The following EIF3L variants were observed in gnomAD, a reference collection of about 807,000 sequenced individuals.
The protein encoded by EIF3L is eukaryotic translation initiation factor 3 subunit L, also known as eIEF associated protein HSPC021.
In EIF3L, 32 loss-of-function variants were observed where a neutral mutation model predicts 74.6. The ratio of observed to expected loss-of-function variants is 0.43; its 90% CI spans 0.32 to 0.58. The LOEUF is 0.58. Ranked by LOEUF, EIF3L falls within the 20% of genes least tolerant of loss-of-function variation. EIF3L has a pLI of 0.06. For missense variants in EIF3L, 474 were observed against 707.8 expected, an observed-to-expected ratio of 0.67 and a Z score of 3.75; for synonymous variants, 256 against 254.4, an observed-to-expected ratio of 1.01 and a Z score of -0.06.
chr22:37,877,025 C>T (rs902558261), intron 10 of EIF3L: 2 of 152,468 alleles, frequency 1.3e-5, no homozygotes, highest in African/African-American at 4.8e-5. Flanking sequence ...GCTGCAGATA[C>T]ATTCTGAGAA....
In EIF3L at chr22:37,888,251, G is replaced by A. The variant is rs1927422828; in HGVS notation, c.1657-175G>A. ...GATAAAAGAATAATCCGCGTGAACT[G>A]TGCAGGGCCATATGAATGTCACGGC... On this transcript the variant is annotated intron_variant, in intron 12 of 12. Transcript: ENST00000652021. 9.4e-6 allele frequency: 6 copies of A among 637,738 alleles called. No homozygotes were observed. The South Asian group carries it at 1.1e-4, about 12-fold the overall frequency. The allele number at this position is 637,738 out of a possible 1,614,324, so 39.5% of individuals were successfully genotyped here.
chr22:37,884,920 T>A (rs1028812479), intron 11 of EIF3L: 19 of 139,374 alleles, frequency 1.4e-4, no homozygotes, highest in African/African-American at 5.0e-4. Flanking sequence ...TTTTTTTTTT[T>A]TTTTTTTTTT....
At chr22:37,868,553 A>G (rs189928140) in intron 7 of EIF3L, among the ~76,000 whole-genome samples, 100 of 151,138 alleles carry the variant, frequency 6.6e-4, no homozygotes, top group African/African-American at 2.4e-3. Flanking sequence ...TCCCAGGTTC[A>G]AGGGATTCTC....
intron 12 of EIF3L, chr22:37,888,168 T>G: frequency 2.5e-6 from 1 of 401,730 alleles, no homozygotes; most frequent in Non-Finnish European, 4.4e-6. Context: ...GTCTGAATCC[T>G]TTTTCTGTCA....
At chr22:37,868,515 G>T (rs1025115429) in intron 7 of EIF3L, among the ~76,000 whole-genome samples, 1 of 151,082 alleles carries the variant, frequency 6.6e-6, no homozygotes, top group African/African-American at 2.4e-5. Flanking sequence ...GTGCAGTGGC[G>T]TGATCTCAGC....
chr22:37,866,743 GCCACTGCACT>G (rs1434492913), intron 7 of EIF3L, among the ~76,000 whole-genome samples: 1 of 151,956 alleles, frequency 6.6e-6, no homozygotes, highest in Non-Finnish European at 1.5e-5. Context: ...CTGAGATTGC[GCCACTGCACT>G]CCAGCCTGGG....
intron 5 of EIF3L, among the ~76,000 whole-genome samples, chr22:37,860,104 C>T (rs1357623999): frequency 6.6e-6 from 1 of 152,200 alleles, no homozygotes. Flanking sequence ...GAAGTCCAGA[C>T]TTGTATATTC....
intron 5 of EIF3L, among the ~76,000 whole-genome samples, chr22:37,860,418 C>T (rs779081946): frequency 5.9e-5 from 9 of 152,124 alleles, no homozygotes; most frequent in Non-Finnish European, 8.8e-5. Flanking sequence ...GCAGTGGCGC[C>T]GTCTCGGCTC....
intron 3 of EIF3L, among the ~76,000 whole-genome samples, chr22:37,855,288 C>T (rs1037243448): frequency 6.6e-6 from 1 of 152,114 alleles, no homozygotes; most frequent in African/African-American, 2.4e-5. Context: ...AAACAGCAAG[C>T]AGTTAAATAT....
intron 11 of EIF3L, chr22:37,884,035 A>T (rs1303449499): frequency 6.6e-6 from 1 of 152,084 alleles, no homozygotes; most frequent in Non-Finnish European, 1.5e-5. Flanking sequence ...CCCAAAAAGA[A>T]ACTCCCTACC....
chr22:37,858,750 TAA>T lies in EIF3L; in HGVS notation c.435+11_435+12del. 6.3e-7 allele frequency: 1 copy of T among 1,595,242 alleles called. No homozygotes were observed. Among genetic ancestry groups the T allele is most frequent in the Non-Finnish European group, 8.5e-7 (1 of 1,174,966 alleles). On this transcript the variant is annotated intron_variant, in intron 5 of 12. Coordinates refer to ENST00000652021, the MANE Select transcript of EIF3L (RefSeq NM_016091.4). ...ATATGCCAAAGTCAGTGTAAGTATT[TAA>T]GTGTCGCAGTTTTTTTTTTGTTTTT...
intron 7 of EIF3L, among the ~76,000 whole-genome samples, chr22:37,863,788 G>A (rs988561465): frequency 3.3e-5 from 5 of 151,928 alleles, no homozygotes; most frequent in South Asian, 2.1e-4. Context: ...GGGTCAGGCC[G>A]GGCGCGGTGA....
intron 9 of EIF3L, among the ~76,000 whole-genome samples, chr22:37,875,125 T>C (rs1569120561): frequency 6.6e-6 from 1 of 151,020 alleles, no homozygotes. Flanking sequence ...TCCCAGCAGT[T>C]TGGGAGGCTG....
chr22:37,849,531 G>C, intron 1 of EIF3L, 49 bp downstream of exon 1: 1 of 1,543,202 alleles, frequency 6.5e-7, no homozygotes, highest in Non-Finnish European at 8.8e-7. Context: ...GGTGATCTCT[G>C]GGACCACTGG....
At chr22:37,866,534 C>A (rs573718450) in intron 7 of EIF3L, among the ~76,000 whole-genome samples, 1 of 152,040 alleles carries the variant, frequency 6.6e-6, no homozygotes, top group Non-Finnish European at 1.5e-5. Context: ...CCTGTTAATC[C>A]CAGCTCTTTG....
In EIF3L at chr22:37,876,086, G is replaced by C. The variant is rs574874327; in HGVS notation, c.1077+75G>C. 2.1e-5 allele frequency: 31 copies of C among 1,486,844 alleles called. 1 individual carries two copies. The highest frequency in any genetic ancestry group is 9.2e-7 in the Non-Finnish European group (1 of 1,090,726). 92.1% of individuals were successfully genotyped at this position (1,486,844 alleles called of 1,614,324 possible). On this transcript the variant is annotated intron_variant, in intron 10 of 12. Transcript: ENST00000652021. ...CTTGGCACCTATGCCAACCATTCTT[G>C]GTAAACACCATCCAAAATATTGCAC...
intron 12 of EIF3L, chr22:37,887,696 C>T (rs1927393665): frequency 6.6e-6 from 1 of 152,376 alleles, no homozygotes; most frequent in Non-Finnish European, 1.5e-5. Context: ...CAAGATCTCC[C>T]TCTGCGGGTG....
At chr22:37,857,489 GTC>G (rs756524394) in intron 4 of EIF3L, among the ~76,000 whole-genome samples, 1 of 151,072 alleles carries the variant, frequency 6.6e-6, no homozygotes, top group East Asian at 1.9e-4. Context: ...CAGTGTACAA[GTC>G]TCTCATTTGT....
chr22:37,851,890 A>G (rs1158990961), intron 3 of EIF3L, among the ~76,000 whole-genome samples: 1 of 151,638 alleles, frequency 6.6e-6, no homozygotes, highest in Admixed American at 6.6e-5. Context: ...CGTGTGTTGA[A>G]CCCCTGACCT....
Sources: gnomAD v4.1 joint callset for allele counts (sites outside exome capture counted in the v4.1 genomes callset) on GRCh38, gnomAD v4.1.1 for gene constraint, MANE v1.5 for transcripts, NCBI Gene and HGNC (gene_info 2026-07-23, HGNC 2026-07-21) for gene names.